ATF3: variants seen among roughly 807,000 people sequenced by gnomAD.
ATF3 encodes the protein cyclic AMP-dependent transcription factor ATF-3.
ATF3 carries 10 observed loss-of-function variants against 18.4 expected under a neutral mutation model. That is an observed-to-expected ratio of 0.54 (90% CI 0.34 to 0.92). The LOEUF is 0.92. ATF3 is among the 40% of genes least tolerant of loss of function. The pLI is 0.02. For synonymous variants in ATF3, 78 were observed against 87.9 expected (o/e 0.89, Z 0.63); for missense variants, 183 against 222.3 (o/e 0.82, Z 1.12).
intron 1 of ATF3, among the ~76,000 whole-genome samples, chr1:212,600,406 T>C (rs1387560389): frequency 6.6e-6 from 1 of 152,240 alleles, no homozygotes; most frequent in African/African-American, 2.4e-5. Flanking sequence ...TGCTCAGCAA[T>C]TGCCTCACTG....
chr1:212,582,091 A>T (rs2102627644), intron 1 of ATF3, among the ~76,000 whole-genome samples: 1 of 152,322 alleles, frequency 6.6e-6, no homozygotes, highest in Middle Eastern at 3.4e-3. Flanking sequence ...GCAAATGAAA[A>T]TACATCAGGC....
chr1:212,592,759 C>T (rs1295625845), intron 1 of ATF3, among the ~76,000 whole-genome samples: 1 of 151,854 alleles, frequency 6.6e-6, no homozygotes, highest in Non-Finnish European at 1.5e-5. Flanking sequence ...AGCAAGAGGC[C>T]CTTGTATCTG....
Position 212,578,533 on chromosome 1 carries a change from T to C in ATF3, c.-5+13050T>C, listed in dbSNP as rs578145787. On this transcript the variant is annotated intron_variant, in intron 1 of 3. Transcript: ENST00000366981. ...TCTTCAACTTTATCCAGGCAGAAAT[T>C]TTCTATCTGGTGCATTTTAAATTTC... Among the ~76,000 whole-genome samples the C allele has an allele frequency of 5.9e-5, 9 of 152,302 alleles. No homozygotes were observed. The East Asian group carries it at 1.7e-3, about 29-fold the overall frequency.
intron 1 of ATF3, among the ~76,000 whole-genome samples, chr1:212,577,087 T>C (rs1664596511): frequency 6.6e-6 from 1 of 152,190 alleles, no homozygotes; most frequent in South Asian, 2.1e-4. Context: ...TGGTAAACTC[T>C]CTTCATCGTT....
At chr1:212,571,683 T>C (rs368768891) in intron 1 of ATF3, among the ~76,000 whole-genome samples, 9 of 151,050 alleles carry the variant, frequency 6.0e-5, no homozygotes, top group African/African-American at 2.2e-4. Flanking sequence ...GTGCTGGGAT[T>C]ACAGACGTGA....
At chr1:212,608,333 G>GC (rs145591755), upstream of ATF3, among the ~76,000 whole-genome samples, 1,213 of 147,948 alleles carry the variant, frequency 8.2e-3, 18 homozygotes, top group African/African-American at 0.028. Flanking sequence ...CACCTTCCCC[G>GC]CCCCCCCCGC....
At chr1:212,568,572 T>C (rs1044933819) in intron 1 of ATF3, among the ~76,000 whole-genome samples, 2 of 152,188 alleles carry the variant, frequency 1.3e-5, no homozygotes, top group African/African-American at 4.8e-5. Flanking sequence ...AGTAGTAAAT[T>C]TAAGCCAGTC....
At chr1:212,601,930 GGGTATATAGTA>G (rs1481481338) in intron 1 of ATF3, among the ~76,000 whole-genome samples, 2 of 152,030 alleles carry the variant, frequency 1.3e-5, no homozygotes, top group African/African-American at 4.8e-5. Context: ...TAATTTTGGG[GGGTATATAGTA>G]GGTGTATATA....
At chr1:212,573,030 T>G (rs1410313263) in intron 1 of ATF3, among the ~76,000 whole-genome samples, 4 of 152,214 alleles carry the variant, frequency 2.6e-5, no homozygotes, top group Admixed American at 6.5e-5. Flanking sequence ...ATTGTTCTTT[T>G]GAATTTCCGG....
At chr1:212,584,314 T>C (rs1201192163) in intron 1 of ATF3, among the ~76,000 whole-genome samples, 2 of 151,946 alleles carry the variant, frequency 1.3e-5, no homozygotes, top group Non-Finnish European at 2.9e-5. Context: ...ATAAGATGCA[T>C]GTGTATAAGA....
chr1:212,587,094 G>A (rs1228473398), intron 1 of ATF3, among the ~76,000 whole-genome samples: 4 of 152,200 alleles, frequency 2.6e-5, no homozygotes, highest in African/African-American at 9.7e-5. Flanking sequence ...GAGTTAGAGG[G>A]AAGGCGGGAG....
chr1:212,618,507 CT>C lies in ATF3; in HGVS notation c.348+275del. The C allele has an allele frequency of 2.0e-6, 1 of 489,594 alleles. No individual in the cohort carries two copies. 30.3% of individuals were successfully genotyped at this position (489,594 alleles called of 1,614,324 possible). A position where few individuals can be genotyped will look rare whatever the true frequency, so the allele number is the denominator to read the frequency against. On this transcript the variant is annotated intron_variant, in intron 3 of 3. Transcript: ENST00000341491. This position sits in a 1 kb window ranked among gnomAD's most constrained non-coding sequence, Gnocchi z 4.4. ...CGGCCGGTTCATACATGTCCATCAGCTTCCAGGCTGCAGGACATGCCAGCCC... is the reference window on the plus strand; with the variant it reads ...CGGCCGGTTCATACATGTCCATCAGCTCCAGGCTGCAGGACATGCCAGCCC...
At chr1:212,584,738 T>A (rs1664747496) in intron 1 of ATF3, among the ~76,000 whole-genome samples, 1 of 152,210 alleles carries the variant, frequency 6.6e-6, no homozygotes, top group African/African-American at 2.4e-5. Flanking sequence ...AAATTCATCA[T>A]CATGCTATGC....
At chr1:212,586,440 A>G (rs1313187088) in intron 1 of ATF3, among the ~76,000 whole-genome samples, 4 of 152,248 alleles carry the variant, frequency 2.6e-5, no homozygotes, top group Non-Finnish European at 4.4e-5. Context: ...ATGACGTAGC[A>G]GTGACTCCAT....
chr1:212,603,023 C>T (rs148914512), intron 1 of ATF3, among the ~76,000 whole-genome samples: 1 of 152,308 alleles, frequency 6.6e-6, no homozygotes, highest in East Asian at 1.9e-4. Context: ...TGTGTGTGCT[C>T]ATGTCCAGTT....
At chr1:212,603,776 A>ATGTG (rs145857442), upstream of ATF3, among the ~76,000 whole-genome samples, 22,125 of 149,206 alleles carry the variant, frequency 0.15, 1,874 homozygotes, top group East Asian at 0.23. Flanking sequence ...GTGTATATAT[A>ATGTG]TGTGTGTGTG....
At chr1:212,576,753 A>AGTCTC (rs1664588326) in intron 1 of ATF3, among the ~76,000 whole-genome samples, 1 of 87,962 alleles carries the variant, frequency 1.1e-5, no homozygotes. Context: ...TTTGAGGCAG[A>AGTCTC]GTCTCGCTCT....
At chr1:212,565,771 C>T (rs140386550) in intron 1 of ATF3, among the ~76,000 whole-genome samples, 1,602 of 152,244 alleles carry the variant, frequency 0.011, 11 homozygotes, top group South Asian at 0.03. Flanking sequence ...ACCTGTGGGA[C>T]GACCTGTGGC....
At chr1:212,597,574 C>T (rs1335635549) in intron 1 of ATF3, among the ~76,000 whole-genome samples, 1 of 152,106 alleles carries the variant, frequency 6.6e-6, no homozygotes, top group Non-Finnish European at 1.5e-5. Flanking sequence ...TTCAATGTTC[C>T]AGGCCAGTAA....
Sources: allele counts gnomAD v4.1 joint callset (sites outside exome capture counted in the v4.1 genomes callset), GRCh38; gene constraint gnomAD v4.1.1; non-coding constraint Gnocchi (gnomAD v3.1); transcripts MANE v1.5; gene names NCBI Gene and HGNC (gene_info 2026-07-23, HGNC 2026-07-21).